DENND5B: variants seen among roughly 807,000 people sequenced by gnomAD.
DENND5B encodes the protein DENN domain containing 5B.
Under a neutral mutation model 140.6 loss-of-function variants are expected in DENND5B, and 34 were observed. That is an observed-to-expected ratio of 0.24 (90% CI 0.18 to 0.32). DENND5B has a LOEUF of 0.32. DENND5B is among the 10% of genes least tolerant of loss of function. DENND5B has a pLI of 1.00. For synonymous variants in DENND5B, 551 were observed against 562.1 expected (o/e 0.98, Z 0.28); for missense variants, 1,142 against 1,560.2 (o/e 0.73, Z 4.52).
intron 4 of DENND5B, among the ~76,000 whole-genome samples, chr12:31,455,702 T>C (rs528477984): frequency 6.6e-6 from 1 of 152,340 alleles, no homozygotes; most frequent in East Asian, 1.9e-4. Context: ...CAAGCCTTCA[T>C]GATATGTAAC....
At chr12:31,588,266 A>G (rs1950470031) in intron 1 of DENND5B, among the ~76,000 whole-genome samples, 2 of 152,088 alleles carry the variant, frequency 1.3e-5, no homozygotes, top group South Asian at 4.1e-4. Context: ...CCTCCCTGTG[A>G]GGCCTTCCCT....
intron 13 of DENND5B, among the ~76,000 whole-genome samples, chr12:31,412,948 T>C (rs995632061): frequency 2.0e-5 from 3 of 151,928 alleles, no homozygotes; most frequent in African/African-American, 7.3e-5. Context: ...TTTGAGATGG[T>C]CTTGCACTGT....
intron 1 of DENND5B, among the ~76,000 whole-genome samples, chr12:31,511,457 A>T (rs1468723390): frequency 2.0e-5 from 3 of 151,864 alleles, no homozygotes; most frequent in Middle Eastern, 3.2e-3. Flanking sequence ...TTAAAATAAA[A>T]TTTTTTCTCA....
At chr12:31,517,370 T>A (rs1388744145) in intron 1 of DENND5B, among the ~76,000 whole-genome samples, 1 of 152,256 alleles carries the variant, frequency 6.6e-6, no homozygotes, top group Non-Finnish European at 1.5e-5. Context: ...GTTAGCACCC[T>A]GTATCACACC....
chr12:31,405,499 T>A (rs1942071594), intron 14 of DENND5B, among the ~76,000 whole-genome samples: 1 of 151,042 alleles, frequency 6.6e-6, no homozygotes, highest in African/African-American at 2.4e-5. Context: ...ACTACCGGCA[T>A]GAGCCACCTG....
At chr12:31,406,955 C>G (rs1008149584) in intron 14 of DENND5B, among the ~76,000 whole-genome samples, 1 of 150,614 alleles carries the variant, frequency 6.6e-6, no homozygotes, top group Admixed American at 6.6e-5. Flanking sequence ...AGCGCCACCA[C>G]GTCCGGCTAA....
intron 14 of DENND5B, among the ~76,000 whole-genome samples, chr12:31,405,984 TAC>T (rs1250785290): frequency 6.6e-6 from 1 of 151,902 alleles, no homozygotes; most frequent in Non-Finnish European, 1.5e-5. Context: ...TAGCTGGGAT[TAC>T]AGGTGTGCGC....
At chr12:31,573,155 G>A (rs1949881796) in intron 1 of DENND5B, among the ~76,000 whole-genome samples, 1 of 152,142 alleles carries the variant, frequency 6.6e-6, no homozygotes, top group African/African-American at 2.4e-5. Context: ...ACACTTGAAA[G>A]AAAACTGTAT....
At chr12:31,580,918 C>T (rs1029419965) in intron 1 of DENND5B, among the ~76,000 whole-genome samples, 1 of 152,056 alleles carries the variant, frequency 6.6e-6, no homozygotes, top group African/African-American at 2.4e-5. Context: ...CCACCCTGGG[C>T]AACACAGACC....
At chr12:31,513,977 A>T (rs533075177) in intron 1 of DENND5B, among the ~76,000 whole-genome samples, 1 of 152,084 alleles carries the variant, frequency 6.6e-6, no homozygotes, top group Non-Finnish European at 1.5e-5. Context: ...AGCTAGGATT[A>T]TAGGAATGTG....
intron 1 of DENND5B, among the ~76,000 whole-genome samples, chr12:31,518,014 T>G (rs1947731608): frequency 6.6e-6 from 1 of 152,190 alleles, no homozygotes; most frequent in Admixed American, 6.5e-5. Context: ...ATAAAAAGCC[T>G]GAGTTCCCAA....
intron 2 of DENND5B, among the ~76,000 whole-genome samples, chr12:31,488,277 C>T (rs1946389128): frequency 6.6e-6 from 1 of 151,904 alleles, no homozygotes; most frequent in African/African-American, 2.4e-5. Context: ...GCCTGGACTT[C>T]AGCTTGTAAT....
chr12:31,571,650 A>T (rs1376965210), intron 1 of DENND5B, among the ~76,000 whole-genome samples: 2 of 151,658 alleles, frequency 1.3e-5, no homozygotes. Flanking sequence ...ACGGAGTTTC[A>T]CTCATTGCCC....
At position 31,409,289 on chromosome 12, in the gene DENND5B, C is replaced by G. The variant is rs1942312173; in HGVS notation, c.2777G>C (p.Cys926Ser). 6.4e-7 allele frequency: 1 copy of G among 1,572,416 alleles called. No homozygotes were observed. Among genetic ancestry groups the G allele is most frequent in the Non-Finnish European group, 8.6e-7 (1 of 1,157,926 alleles). ...GATAGTGGTGAACACACTGGTGAAG[C>G]AGAAATAGTCCACAGCATTGAGAGA... ...LLSLNAVDYF[C>S]FTSVFTTIMI... The change falls in exon 14 of 21, where the codon TGC (cysteine) becomes TCC (serine). Residue 926 changes from cysteine to serine, a missense_variant. Around this residue, in one of 5 missense-constraint regions of DENND5B, gnomAD observed 268 missense variants for 349.2 expected, o/e 0.77. Coordinates refer to ENST00000389082, the MANE Select transcript of DENND5B (RefSeq NM_144973.4).
Position 31,441,872 on chromosome 12 carries a change from A to G in DENND5B, c.2012+903T>C, listed in dbSNP as rs941547628. Among the ~76,000 whole-genome samples, 4 of 151,756 alleles carry G rather than the reference A, an allele frequency of 2.6e-5. No individual in the cohort carries two copies. The East Asian group carries it at 7.8e-4, about 30-fold the overall frequency. On this transcript the variant is annotated intron_variant, in intron 7 of 20. Transcript: ENST00000389082. ...ATTTTTCTATCTTTTTTGTAGAGACAGGGTTTCGCCACATTGGCTAGGCTG... is the reference window on the plus strand; with the variant it reads ...ATTTTTCTATCTTTTTTGTAGAGACGGGGTTTCGCCACATTGGCTAGGCTG...
intron 11 of DENND5B, 74 bp downstream of exon 11, chr12:31,423,523 A>T: frequency 6.8e-7 from 1 of 1,471,606 alleles, no homozygotes; most frequent in Non-Finnish European, 9.3e-7. Flanking sequence ...AGAGAAAGAG[A>T]TCAAGACAAG....
At chr12:31,431,210 G>T (rs916099466) in intron 8 of DENND5B, among the ~76,000 whole-genome samples, 1 of 152,102 alleles carries the variant, frequency 6.6e-6, no homozygotes, top group African/African-American at 2.4e-5. Flanking sequence ...AATAAACACT[G>T]AACTAACTGC....
chr12:31,486,141 G>A (rs560907127), intron 2 of DENND5B, among the ~76,000 whole-genome samples: 32 of 152,268 alleles, frequency 2.1e-4, no homozygotes, highest in Admixed American at 8.5e-4. Context: ...TCAGGGTGAC[G>A]GTATTAAAAG....
intron 1 of DENND5B, among the ~76,000 whole-genome samples, chr12:31,586,334 C>T (rs2139518285): frequency 6.6e-6 from 1 of 152,146 alleles, no homozygotes; most frequent in African/African-American, 2.4e-5. Context: ...ACATTTCTCC[C>T]AAAGGACGTT....
Sources: allele counts gnomAD v4.1 joint callset (sites outside exome capture counted in the v4.1 genomes callset), GRCh38; gene constraint gnomAD v4.1.1; regional missense constraint gnomAD v4.1.1; transcripts MANE v1.5; gene names NCBI Gene and HGNC (gene_info 2026-07-23, HGNC 2026-07-21).